Variants in PITPNM2 observed in about 807,000 individuals in gnomAD.
The protein encoded by PITPNM2 is phosphatidylinositol transfer protein membrane associated 2.
Under a neutral mutation model 132.2 loss-of-function variants are expected in PITPNM2, and 35 were observed. The ratio of observed to expected loss-of-function variants is 0.26; its 90% CI spans 0.20 to 0.35. The LOEUF is 0.35. PITPNM2 is among the 10% of genes least tolerant of loss of function. The pLI is 1.00. For missense variants in PITPNM2, 1,332 were observed against 1,912.0 expected (o/e 0.70, Z 5.66); for synonymous variants, 738 against 799.2 (o/e 0.92, Z 1.29).
Position 123,014,028 on chromosome 12 carries a change from G to A in PITPNM2, c.93C>T (p.Asn31=), listed in dbSNP as rs758106695. ...QLYMIQKKSR[N]ETYGEGSGVE... is the part of the protein sequence containing the mutation. ...CGCCGCTGCCTTCGCCATATGTCTCGTTACGGCTCTTCTTCTGTGGGGACA... is the reference window on the plus strand; with the variant it reads ...CGCCGCTGCCTTCGCCATATGTCTCATTACGGCTCTTCTTCTGTGGGGACA... Residue 31 remains asparagine (N), a synonymous_variant, in exon 4 of 26, where the codon AAC becomes AAT. Transcript: ENST00000320201. 7.4e-6 allele frequency: 12 copies of A among 1,614,240 alleles called. No homozygotes were observed. Among genetic ancestry groups the A allele is most frequent in the South Asian group, 2.2e-5 (2 of 91,086 alleles).
chr12:122,990,736 A>T (rs753348081), intron 16 of PITPNM2, 27 bp from the exon 17 acceptor site: 1 of 1,564,180 alleles, frequency 6.4e-7, no homozygotes, highest in Non-Finnish European at 8.7e-7. Flanking sequence ...ACCAGAGGCC[A>T]GGTAAGAGAG....
intron 10 of PITPNM2, 46 bp from the exon 11 acceptor site, chr12:122,997,618 C>T: frequency 6.3e-7 from 1 of 1,583,514 alleles, no homozygotes; most frequent in Non-Finnish European, 8.6e-7. Context: ...GAACCCAGCT[C>T]CTTGCTGAGG....
chr12:123,054,821 T>C (rs2040968966), intron 2 of PITPNM2, among the ~76,000 whole-genome samples: 1 of 152,212 alleles, frequency 6.6e-6, no homozygotes, highest in African/African-American at 2.4e-5. Flanking sequence ...CCCAGCACTT[T>C]GGGAGGCCAA....
intron 2 of PITPNM2, among the ~76,000 whole-genome samples, chr12:123,035,415 C>T (rs1340492749): frequency 6.6e-6 from 1 of 152,102 alleles, no homozygotes; most frequent in Non-Finnish European, 1.5e-5. Flanking sequence ...CTTGTAATCC[C>T]AGCACTTTGG....
intron 2 of PITPNM2, among the ~76,000 whole-genome samples, chr12:123,061,677 C>T (rs2041237932): frequency 6.6e-6 from 1 of 152,222 alleles, no homozygotes; most frequent in Admixed American, 6.5e-5. Context: ...AACTTGTACA[C>T]TGGGGAGTCA....
chr12:123,096,637 G>T (rs575063095), intron 2 of PITPNM2, among the ~76,000 whole-genome samples: 3 of 152,262 alleles, frequency 2.0e-5, no homozygotes, highest in African/African-American at 7.2e-5. Flanking sequence ...CCACAGGCCC[G>T]GGGGCATCTG....
At chr12:123,050,917 C>A (rs1388887937) in intron 2 of PITPNM2, among the ~76,000 whole-genome samples, 1 of 152,158 alleles carries the variant, frequency 6.6e-6, no homozygotes, top group African/African-American at 2.4e-5. Flanking sequence ...TGGAAAGCCC[C>A]ATGGGCACAT....
At chr12:123,040,153 TA>T (rs918581860) in intron 2 of PITPNM2, among the ~76,000 whole-genome samples, 13 of 151,684 alleles carry the variant, frequency 8.6e-5, no homozygotes, top group African/African-American at 1.9e-4. Flanking sequence ...AGTTTATTAT[TA>T]AAAAAAAATT....
rs774954933 is a variant in PITPNM2, at chr12:123,001,023, C to G, written c.1153+31G>C. 3.8e-6 allele frequency: 6 copies of G among 1,598,380 alleles called. No homozygotes were observed. The African/African-American group carries it at 6.7e-5, about 18-fold the overall frequency. Reference sequence around the variant, plus strand: ...GCTGAAGCCCTGCAACCGCCCTCCCCAGGCTCTGCAGCACCCCCAGACCTG... The same window carrying G: ...GCTGAAGCCCTGCAACCGCCCTCCCGAGGCTCTGCAGCACCCCCAGACCTG... On this transcript the variant is annotated intron_variant, in intron 9 of 25. Transcript: ENST00000320201.
chr12:123,115,553 G>GCA (rs1038568699), intron 1 of PITPNM2, among the ~76,000 whole-genome samples: 3 of 151,078 alleles, frequency 2.0e-5, no homozygotes, highest in African/African-American at 4.9e-5. Flanking sequence ...ACACACACAC[G>GCA]CACACACACA....
chr12:123,071,424 G>C (rs563531816), intron 2 of PITPNM2, among the ~76,000 whole-genome samples: 1 of 152,188 alleles, frequency 6.6e-6, no homozygotes, highest in Admixed American at 6.5e-5. Context: ...AGAGAGACCC[G>C]CAGGCTGGAT....
intron 1 of PITPNM2, among the ~76,000 whole-genome samples, chr12:123,137,953 T>A (rs571739690): frequency 6.6e-6 from 1 of 151,560 alleles, no homozygotes; most frequent in Non-Finnish European, 1.5e-5. Flanking sequence ...CAACTGTCAG[T>A]GGTCACTTAC....
intron 3 of PITPNM2, among the ~76,000 whole-genome samples, chr12:123,019,413 G>T (rs778362754): frequency 5.3e-5 from 8 of 152,188 alleles, no homozygotes; most frequent in Non-Finnish European, 1.2e-4. Context: ...AAGTGAAAAA[G>T]AATTAGGAAT....
In PITPNM2 at chr12:123,005,612, CG is replaced by C. The variant is rs1448240361; in HGVS notation, c.644-65del. 1.3e-5 allele frequency: 20 copies of C among 1,521,512 alleles called. No individual in the cohort carries two copies. Among genetic ancestry groups the C allele is most frequent in the African/African-American group, 1.2e-4 (9 of 73,414 alleles). The allele number at this position is 1,521,512 out of a possible 1,614,324, so 94.3% of individuals were successfully genotyped here. A position where few individuals can be genotyped will look rare whatever the true frequency, so the allele number is the denominator to read the frequency against. Reference sequence around the variant, plus strand: ...AGGGAGGTCAGCGCAGGAGCCTGCACGGAAGTGTGGGGCCCAGGCAGGGGCT... The same window carrying C: ...AGGGAGGTCAGCGCAGGAGCCTGCACGAAGTGTGGGGCCCAGGCAGGGGCT... On this transcript the variant is annotated intron_variant, in intron 6 of 25. Coordinates refer to ENST00000320201, the MANE Select transcript of PITPNM2 (RefSeq NM_020845.3). The surrounding 1 kb of genome is among the most constrained non-coding windows in gnomAD (Gnocchi z 6.2).
Position 122,990,020 on chromosome 12 carries a change from G to A in PITPNM2, c.2570-72C>T, listed in dbSNP as rs2038117735. On this transcript the variant is annotated intron_variant, in intron 17 of 25. Coordinates refer to ENST00000320201, the MANE Select transcript of PITPNM2 (RefSeq NM_020845.3). Reference sequence around the variant, plus strand: ...CACTGCCACGTCTACCAGGGGCCAGGCAGGACACTGGGACAGTGCCAGGCC... The same window carrying A: ...CACTGCCACGTCTACCAGGGGCCAGACAGGACACTGGGACAGTGCCAGGCC... The A allele has an allele frequency of 1.9e-5, 23 of 1,184,050 alleles. 1 individual carries two copies. In the South Asian group the frequency reaches 4.9e-4, roughly 25 times the overall value. The allele number at this position is 1,184,050 out of a possible 1,614,324, so 73.3% of individuals were successfully genotyped here.
chr12:122,992,618 G>A lies in PITPNM2; in HGVS notation c.2285C>T (p.Ala762Val), dbSNP rs1423762048. 7 of 1,607,296 alleles carry A rather than the reference G, an allele frequency of 4.4e-6. No homozygotes were observed. The highest frequency in any genetic ancestry group is 5.9e-6 in the Non-Finnish European group (7 of 1,177,224). The change falls in exon 16 of 26, where the codon GCG becomes GTG. Residue 762 changes from alanine to valine, a missense_variant. Ala to Val is a moderately conservative substitution (Grantham distance 64). Around this residue, in one of 6 missense-constraint regions of PITPNM2, gnomAD observed 710 missense variants for 911.5 expected, o/e 0.78. Coordinates refer to ENST00000320201, the MANE Select transcript of PITPNM2 (RefSeq NM_020845.3). The surrounding 1 kb of genome is among the most constrained non-coding windows in gnomAD (Gnocchi z 6.5). The part of the protein sequence containing the change: ...CQQVYNLFHP[A>V]DPSASRLEPL... ...CTCCAGGCGTGAAGCTGACGGGTCC[G>A]CGGGGTGGAAGAGGTTGTAGACTTG...
chr12:123,128,724 C>G (rs972442749), intron 1 of PITPNM2, among the ~76,000 whole-genome samples: 25 of 151,150 alleles, frequency 1.7e-4, no homozygotes, highest in African/African-American at 5.4e-4. Flanking sequence ...TGCACTCCAG[C>G]CTGGGCAATA....
chr12:123,126,469 T>A (rs928608921), intron 1 of PITPNM2, among the ~76,000 whole-genome samples: 1 of 152,204 alleles, frequency 6.6e-6, no homozygotes, highest in Non-Finnish European at 1.5e-5. Flanking sequence ...GCTGGAGGGC[T>A]TTAGTCCTAG....
In PITPNM2 at chr12:122,993,813, G is replaced by C. The variant is rs571002693; in HGVS notation, c.2233+988C>G. ...ACCCATTTCTCTTCCTGGCAGTGCT[G>C]AAGTCGCCAGTTTATGGAAGGGGAA... On this transcript the variant is annotated intron_variant, in intron 15 of 25. Coordinates refer to ENST00000320201, the MANE Select transcript of PITPNM2 (RefSeq NM_020845.3). The surrounding 1 kb of genome is among the most constrained non-coding windows in gnomAD (Gnocchi z 5.2). Among the ~76,000 whole-genome samples the C allele has an allele frequency of 9.9e-5, 15 of 152,222 alleles. No individual in the cohort carries two copies. The highest frequency in any genetic ancestry group is 1.9e-4 in the Non-Finnish European group (13 of 68,038).
Sources: allele counts gnomAD v4.1 joint callset (sites outside exome capture counted in the v4.1 genomes callset), GRCh38; gene constraint gnomAD v4.1.1; regional missense constraint gnomAD v4.1.1; non-coding constraint Gnocchi (gnomAD v3.1); transcripts MANE v1.5; gene names NCBI Gene and HGNC (gene_info 2026-07-23, HGNC 2026-07-21).